Variants in TNNI3K observed in about 807,000 individuals in gnomAD.
TNNI3K encodes serine/threonine-protein kinase TNNI3K.
A neutral mutation model predicts 114.5 loss-of-function variants in TNNI3K; 140 were observed. That is an observed-to-expected ratio of 1.22 (90% confidence interval 1.07 to 1.41). The LOEUF (loss-of-function observed/expected upper bound fraction) is 1.41. Among genes scored for constraint, TNNI3K ranks in the 40% most tolerant of loss-of-function variants. TNNI3K has a pLI of 0.00. For missense variants in TNNI3K, 1,125 were observed against 1,007.6 expected (o/e 1.12, Z -1.58); for synonymous variants, 347 against 347.5 (o/e 1.00, Z 0.02).
At chr1:74,298,737 CACGGA>C (rs1411984825) in intron 5 of TNNI3K, among the ~76,000 whole-genome samples, 1 of 152,034 alleles carries the variant, frequency 6.6e-6, no homozygotes. Flanking sequence ...GGAGTTGCAT[CACGGA>C]ATAATATTGT....
At chr1:74,339,682 A>G (rs116322400) in intron 7 of TNNI3K, among the ~76,000 whole-genome samples, 311 of 152,208 alleles carry the variant, frequency 2.0e-3, no homozygotes, top group African/African-American at 7.2e-3. Flanking sequence ...AGGCTGACCT[A>G]TTCAGTTAGG....
chr1:74,318,861 C>T (rs561005461), intron 5 of TNNI3K, among the ~76,000 whole-genome samples: 2 of 152,314 alleles, frequency 1.3e-5, no homozygotes, highest in East Asian at 3.9e-4. Context: ...AGCTGTTGCT[C>T]CTCTTTTAAT....
chr1:74,241,918 A>C (rs1404964494), intron 2 of TNNI3K, among the ~76,000 whole-genome samples: 13 of 145,386 alleles, frequency 8.9e-5, no homozygotes, highest in Non-Finnish European at 1.2e-4. Context: ...GGCGCGATCT[A>C]GGCTCACTGC....
chr1:74,247,490 C>G (rs761854694), intron 2 of TNNI3K, among the ~76,000 whole-genome samples: 1 of 152,174 alleles, frequency 6.6e-6, no homozygotes. Flanking sequence ...AGCAAGTTGC[C>G]GATGGTGGCT....
chr1:74,413,277 T>A (rs1664971380), intron 17 of TNNI3K, among the ~76,000 whole-genome samples: 1 of 152,140 alleles, frequency 6.6e-6, no homozygotes, highest in South Asian at 2.1e-4. Context: ...AATGAGAAAT[T>A]CCTGGATATT....
At chr1:74,466,866 A>T (rs555692508) in intron 21 of TNNI3K, among the ~76,000 whole-genome samples, 26 of 152,284 alleles carry the variant, frequency 1.7e-4, no homozygotes, top group African/African-American at 6.3e-4. Flanking sequence ...GGGGAAAGGG[A>T]TTCAATAGAG....
Position 74,471,009 on chromosome 1 carries a change from T to A in TNNI3K, c.2121+7459T>A, listed in dbSNP as rs1667900660. On this transcript the variant is annotated intron_variant, in intron 21 of 24. Transcript: ENST00000326637. ...AAGTAGTTGCTAAATAACTAAGCAC[T>A]TTTGATTCAAGCTGAGTTGCATCTT... The A allele has an allele frequency of 3.7e-5, 15 of 400,744 alleles. No individual in the cohort carries two copies. In the East Asian group the frequency reaches 5.3e-4, roughly 14 times the overall value. 24.8% of individuals were successfully genotyped at this position (400,744 alleles called of 1,614,324 possible).
rs535061987 is a variant in TNNI3K at position 74,289,079 on chromosome 1, TA to T, written c.444+17378del. Among the ~76,000 whole-genome samples, 154 of 151,562 alleles carry T rather than the reference TA, an allele frequency of 1.0e-3. 1 individual carries two copies. The highest frequency in any genetic ancestry group is 3.6e-3 in the African/African-American group (148 of 41,378). ...GGTTAAACAGAAAAAAAATAAATATTAAAAAAATCAATTATTTTTACATTGT... is the reference window on the plus strand; with the variant it reads ...GGTTAAACAGAAAAAAAATAAATATTAAAAAATCAATTATTTTTACATTGT... On this transcript the variant is annotated intron_variant, in intron 5 of 24. Coordinates refer to ENST00000326637, the MANE Select transcript of TNNI3K (RefSeq NM_015978.3).
chr1:74,394,756 A>G (rs1663984310), intron 17 of TNNI3K, among the ~76,000 whole-genome samples: 1 of 152,158 alleles, frequency 6.6e-6, no homozygotes, highest in South Asian at 2.1e-4. Flanking sequence ...CCTAAAGAAA[A>G]CACTTAGGCC....
chr1:74,350,361 A>G (rs1395095880), intron 9 of TNNI3K, among the ~76,000 whole-genome samples: 1 of 152,266 alleles, frequency 6.6e-6, no homozygotes, highest in East Asian at 1.9e-4. Context: ...GTTCTTTTAC[A>G]TTTGCTGAGG....
At position 74,534,115 on chromosome 1, in the gene TNNI3K, A is replaced by G. The variant is rs117461317; in HGVS notation, c.2352-6119A>G. Among the ~76,000 whole-genome samples the G allele has an allele frequency of 3.9e-4, 60 of 152,340 alleles. 1 individual carries two copies. In the East Asian group the frequency reaches 0.011, roughly 28 times the overall value. ...CGATAGAAAAGTATATGAAAGCTAT[A>G]AAGCCTTCTGCAAGTATAAGCAATT... On this transcript the variant is annotated intron_variant, in intron 23 of 24. Coordinates refer to ENST00000326637, the MANE Select transcript of TNNI3K (RefSeq NM_015978.3).
intron 17 of TNNI3K, among the ~76,000 whole-genome samples, chr1:74,429,427 C>T (rs538493578): frequency 3.2e-4 from 49 of 152,158 alleles, no homozygotes; most frequent in African/African-American, 1.1e-3. Flanking sequence ...CTAATCAGCT[C>T]CTTGAAACAA....
rs191907945 is a variant in TNNI3K, at chr1:74,492,915, G to A, written c.2351+649G>A. On this transcript the variant is annotated intron_variant, in intron 23 of 24. Coordinates refer to ENST00000326637, the MANE Select transcript of TNNI3K (RefSeq NM_015978.3). ...TTCAGCATGGTTGAGGTTCTGGTGC[G>A]GGTTCTCTTCCTGTTTTCTAGAAAT... Among the ~76,000 whole-genome samples, 80 of 152,264 alleles carry A rather than the reference G, an allele frequency of 5.3e-4. 2 individuals carry two copies. The highest frequency in any genetic ancestry group is 1.6e-3 in the African/African-American group (68 of 41,562).
chr1:74,250,565 C>A, intron 3 of TNNI3K, 107 bp from the exon 4 acceptor site: 1 of 1,003,318 alleles, frequency 1.0e-6, no homozygotes, highest in Non-Finnish European at 1.4e-6. Context: ...CAGAACGCAG[C>A]TTGACATTTT....
chr1:74,386,243 G>A (rs1663473272), intron 17 of TNNI3K, among the ~76,000 whole-genome samples: 1 of 151,486 alleles, frequency 6.6e-6, no homozygotes, highest in African/African-American at 2.4e-5. Flanking sequence ...AGCAGTGTGA[G>A]AACAAACTAA....
At chr1:74,465,617 G>C (rs974664161) in intron 21 of TNNI3K, among the ~76,000 whole-genome samples, 1 of 152,166 alleles carries the variant, frequency 6.6e-6, no homozygotes, top group East Asian at 1.9e-4. Flanking sequence ...GGGTCCCACC[G>C]ACCGCCCAAA....
intron 12 of TNNI3K, 52 bp from the exon 13 acceptor site, chr1:74,367,856 G>A (rs1026838155): frequency 2.0e-6 from 3 of 1,505,338 alleles, no homozygotes; most frequent in Non-Finnish European, 2.7e-6. Flanking sequence ...GAACTTTTAT[G>A]TAGAAAAAAA....
At chr1:74,451,358 T>C (rs1666984774) in intron 20 of TNNI3K, among the ~76,000 whole-genome samples, 1 of 152,172 alleles carries the variant, frequency 6.6e-6, no homozygotes, top group African/African-American at 2.4e-5. Context: ...TGTTTACTTA[T>C]GTAACAAACC....
At chr1:74,454,108 C>T (rs1445108538) in intron 20 of TNNI3K, among the ~76,000 whole-genome samples, 1 of 151,838 alleles carries the variant, frequency 6.6e-6, no homozygotes, top group Non-Finnish European at 1.5e-5. Context: ...AATAATTGTA[C>T]ATATTTATGG....
Sources: allele counts gnomAD v4.1 joint callset (sites outside exome capture counted in the v4.1 genomes callset), GRCh38; gene constraint gnomAD v4.1.1; transcripts MANE v1.5; gene names NCBI Gene and HGNC (gene_info 2026-07-23, HGNC 2026-07-21).